DPY19L1: variants seen among roughly 807,000 people sequenced by gnomAD.
DPY19L1 encodes dpy-19 like C-mannosyltransferase 1.
In DPY19L1, 35 loss-of-function variants were observed where a neutral mutation model predicts 96.9. That is an observed-to-expected ratio of 0.36 (90% CI 0.28 to 0.48). DPY19L1 has a LOEUF of 0.48. Among genes scored for constraint, DPY19L1 ranks in the 20% least tolerant of loss-of-function variants. The pLI, the probability that DPY19L1 is intolerant of heterozygous loss-of-function variation, is 0.99. For missense variants in DPY19L1, 521 were observed against 777.9 expected, an observed-to-expected ratio of 0.67 and a Z score of 3.93; for synonymous variants, 205 against 252.6, an observed-to-expected ratio of 0.81 and a Z score of 1.79.
rs1649227 is a variant in DPY19L1 at position 34,952,650 on chromosome 7, A to C, written c.1320+2048T>G. On this transcript the variant is annotated intron_variant, in intron 13 of 21. Coordinates refer to ENST00000638088, the MANE Select transcript of DPY19L1 (RefSeq NM_001366673.1). ...ACACCTTAAAAATATTAGCCAACCA[A>C]ATCCAACAATATAGAAAAGAAATAC... Among the ~76,000 whole-genome samples the C allele has an allele frequency of 1.5e-3, 229 of 152,276 alleles. 1 individual carries two copies. The highest frequency in any genetic ancestry group is 5.3e-3 in the African/African-American group (222 of 41,562).
At chr7:34,945,588 A>G (rs1784128033) in intron 16 of DPY19L1, 79 bp downstream of exon 16, 3 of 991,300 alleles carry the variant, frequency 3.0e-6, no homozygotes, top group Non-Finnish European at 4.6e-6. Flanking sequence ...ACAACATGTA[A>G]GTATACAATT....
At chr7:34,967,201 C>T (rs1337180642) in intron 9 of DPY19L1, among the ~76,000 whole-genome samples, 2 of 152,148 alleles carry the variant, frequency 1.3e-5, no homozygotes, top group Non-Finnish European at 2.9e-5. Flanking sequence ...GAATTGTCTA[C>T]TTTGTCAACT....
At position 35,010,610 on chromosome 7, in the gene DPY19L1, C is replaced by A; in HGVS notation, c.671-49G>T. On this transcript the variant is annotated intron_variant, in intron 5 of 21. Transcript: ENST00000638088. The stretch of plus-strand genomic sequence containing the variant: ...GTTCTAATCACATTAACCCAAATTA[C>A]CTTACGTGTCTAGCAATTTATATTA... The A allele has an allele frequency of 2.6e-6, 3 of 1,132,500 alleles. No individual in the cohort carries two copies. The Admixed American group carries it at 6.3e-5, about 24-fold the overall frequency. The allele number at this position is 1,132,500 out of a possible 1,614,324, so 70.2% of individuals were successfully genotyped here. A position where few individuals can be genotyped will look rare whatever the true frequency, so the allele number is the denominator to read the frequency against.
At chr7:34,942,942 G>A (rs1238814209) in intron 16 of DPY19L1, among the ~76,000 whole-genome samples, 25 of 152,102 alleles carry the variant, frequency 1.6e-4, no homozygotes. Flanking sequence ...GCAAAGCATG[G>A]AATGAAAAAA....
intron 1 of DPY19L1, among the ~76,000 whole-genome samples, chr7:35,026,514 T>C (rs1199117967): frequency 6.6e-6 from 1 of 152,162 alleles, no homozygotes; most frequent in Non-Finnish European, 1.5e-5. Context: ...GAGATCCTGA[T>C]TCAATAGATC....
intron 1 of DPY19L1, among the ~76,000 whole-genome samples, chr7:35,027,834 G>A (rs776876685): frequency 2.0e-5 from 3 of 151,920 alleles, no homozygotes; most frequent in Non-Finnish European, 2.9e-5. Context: ...GCAAAACTCC[G>A]TCTCAAAAAA....
At chr7:35,031,060 A>G (rs1230143422) in intron 1 of DPY19L1, among the ~76,000 whole-genome samples, 1 of 152,174 alleles carries the variant, frequency 6.6e-6, no homozygotes, top group African/African-American at 2.4e-5. Context: ...GCAAAACAGG[A>G]ATTTAGGATT....
At chr7:34,987,795 C>T (rs184190981) in intron 7 of DPY19L1, among the ~76,000 whole-genome samples, 210 of 151,946 alleles carry the variant, frequency 1.4e-3, no homozygotes, top group Middle Eastern at 6.8e-3. Context: ...GATCTCATTA[C>T]CTAAAACGAA....
At chr7:34,989,764 G>GT (rs1785127962) in intron 7 of DPY19L1, 120 bp downstream of exon 7, 2 of 838,672 alleles carry the variant, frequency 2.4e-6, no homozygotes, top group South Asian at 4.3e-5. Context: ...GAATGCTAGT[G>GT]TTTAAATTTT....
At chr7:34,999,276 A>G (rs1358051451) in intron 6 of DPY19L1, among the ~76,000 whole-genome samples, 1 of 152,240 alleles carries the variant, frequency 6.6e-6, no homozygotes, top group Non-Finnish European at 1.5e-5. Flanking sequence ...AGACTTTTGA[A>G]AAGCTACACT....
rs1784313080 is a variant in DPY19L1 at position 34,953,574 on chromosome 7, T to C, written c.1320+1124A>G. Among the ~76,000 whole-genome samples the C allele has an allele frequency of 2.0e-5, 3 of 152,206 alleles. No homozygotes were observed. The South Asian group carries it at 6.2e-4, about 31-fold the overall frequency. The stretch of plus-strand genomic sequence containing the variant: ...CCTGCAGCACTCTGTACGTCATTTT[T>C]TATCATAGCCTTTATTACACTGTAT... On this transcript the variant is annotated intron_variant, in intron 13 of 21. Transcript: ENST00000638088.
At chr7:35,015,993 T>C (rs1257119150) in intron 3 of DPY19L1, among the ~76,000 whole-genome samples, 1 of 152,186 alleles carries the variant, frequency 6.6e-6, no homozygotes, top group East Asian at 1.9e-4. Flanking sequence ...AAGATTAATA[T>C]CAAATAAGTA....
chr7:34,959,043 A>T (rs1784436293), intron 10 of DPY19L1, among the ~76,000 whole-genome samples: 1 of 152,190 alleles, frequency 6.6e-6, no homozygotes, highest in African/African-American at 2.4e-5. Flanking sequence ...ACCATCAAAA[A>T]GTGGGTGAAG....
intron 7 of DPY19L1, among the ~76,000 whole-genome samples, chr7:34,978,017 T>G (rs1485003856): frequency 6.6e-6 from 1 of 152,172 alleles, no homozygotes; most frequent in African/African-American, 2.4e-5. Context: ...TTAATAATTT[T>G]TAATCATTCA....
chr7:34,997,537 G>C (rs1785318417), intron 6 of DPY19L1, among the ~76,000 whole-genome samples: 1 of 149,576 alleles, frequency 6.7e-6, no homozygotes, highest in Admixed American at 6.7e-5. Flanking sequence ...GTGAACCCAG[G>C]AGGCGGAGCT....
intron 8 of DPY19L1, among the ~76,000 whole-genome samples, chr7:34,972,610 A>T (rs1387707881): frequency 6.6e-6 from 1 of 152,164 alleles, no homozygotes; most frequent in Non-Finnish European, 1.5e-5. Context: ...CCTACAGCAC[A>T]ACACTTCTTA....
At chr7:35,009,339 T>C (rs532833883) in intron 6 of DPY19L1, among the ~76,000 whole-genome samples, 92 of 152,228 alleles carry the variant, frequency 6.0e-4, no homozygotes, top group African/African-American at 1.9e-3. Flanking sequence ...CTACAAAGAA[T>C]CAATAAGCAG....
chr7:34,957,586 GCAAAAAACAAAA>G (rs1784405786), intron 11 of DPY19L1, among the ~76,000 whole-genome samples: 2 of 151,246 alleles, frequency 1.3e-5, no homozygotes, highest in South Asian at 4.2e-4. Context: ...TAGACAAGGG[GCAAAAAACAAAA>G]CAAGAAAAAC....
chr7:34,940,647 G>A (rs1223700310), intron 18 of DPY19L1: 4 of 182,280 alleles, frequency 2.2e-5, no homozygotes, highest in South Asian at 1.9e-4. Context: ...AAATTAAGAC[G>A]TTCAAAACAG....
Sources: allele counts gnomAD v4.1 joint callset (sites outside exome capture counted in the v4.1 genomes callset), GRCh38; gene constraint gnomAD v4.1.1; transcripts MANE v1.5; gene names NCBI Gene and HGNC (gene_info 2026-07-23, HGNC 2026-07-21).